Variants in MAP4K3 observed in about 807,000 individuals in gnomAD.
MAP4K3 encodes mitogen-activated protein kinase kinase kinase kinase 3, also known as MAPK/ERK kinase kinase kinase 3.
A neutral mutation model predicts 143.5 loss-of-function variants in MAP4K3; 94 were observed. The ratio of observed to expected loss-of-function variants is 0.65; its 90% CI spans 0.55 to 0.78. The LOEUF is 0.78. Ranked by LOEUF, MAP4K3 falls within the 30% of genes least tolerant of loss-of-function variation. The pLI is 0.00. For synonymous variants in MAP4K3, 416 were observed against 347.2 expected, an observed-to-expected ratio of 1.20 and a Z score of -2.20; for missense variants, 1,077 against 1,068.1, an observed-to-expected ratio of 1.01 and a Z score of -0.12.
At chr2:39,397,464 A>C (rs1180760714) in intron 1 of MAP4K3, among the ~76,000 whole-genome samples, 1 of 152,216 alleles carries the variant, frequency 6.6e-6, no homozygotes, top group African/African-American at 2.4e-5. Flanking sequence ...ACCTTTAAAG[A>C]AATGAAAGTA....
chr2:39,258,766 G>GT (rs1166384351), intron 29 of MAP4K3, among the ~76,000 whole-genome samples, 179 bp from the exon 30 acceptor site: 5 of 152,326 alleles, frequency 3.3e-5, no homozygotes, highest in East Asian at 3.9e-4. Flanking sequence ...GCTAAACAAC[G>GT]TAAGTGCTCA....
rs74528655 is a variant in MAP4K3, at chr2:39,307,690, G to A, written c.1119+253C>T. Among the ~76,000 whole-genome samples the A allele has an allele frequency of 3.4e-3, 511 of 151,144 alleles. 4 individuals are homozygous for A. The highest frequency in any genetic ancestry group is 0.012 in the African/African-American group (488 of 41,246). Reference sequence around the variant, plus strand: ...TCTTAAAAAAAAAACCCTAATATATGAATGAGAAAATTAAATATTAACATT... The same window carrying A: ...TCTTAAAAAAAAAACCCTAATATATAAATGAGAAAATTAAATATTAACATT... On this transcript the variant is annotated intron_variant, in intron 15 of 33. Coordinates refer to ENST00000263881, the MANE Select transcript of MAP4K3 (RefSeq NM_003618.4).
rs1468219862 is a variant in MAP4K3, at chr2:39,323,092, A to C, written c.918+2426T>G. The stretch of plus-strand genomic sequence containing the variant: ...AATTACAATTACAAATCATTTGCAA[A>C]TAAAAAAGTTATGAATTTCTCTTAA... On this transcript the variant is annotated intron_variant, in intron 12 of 33. Transcript: ENST00000263881. Among the ~76,000 whole-genome samples, 4 of 152,370 alleles carry C rather than the reference A, an allele frequency of 2.6e-5. No individual in the cohort carries two copies. In the East Asian group the frequency reaches 7.7e-4, roughly 29 times the overall value.
At chr2:39,285,382 TA>T (rs968494232) in intron 21 of MAP4K3, among the ~76,000 whole-genome samples, 4 of 151,434 alleles carry the variant, frequency 2.6e-5, no homozygotes, top group South Asian at 2.1e-4. Flanking sequence ...TTGGAAAGGT[TA>T]AAAAAAAAGT....
intron 1 of MAP4K3, among the ~76,000 whole-genome samples, chr2:39,422,285 T>A (rs1395184769): frequency 1.3e-5 from 2 of 152,098 alleles, no homozygotes; most frequent in Non-Finnish European, 2.9e-5. Flanking sequence ...TGAACAGCAA[T>A]TATACCCTCC....
intron 5 of MAP4K3, 89 bp from the exon 6 acceptor site, chr2:39,337,056 G>A: frequency 1.6e-6 from 1 of 623,894 alleles, no homozygotes; most frequent in South Asian, 1.9e-5. Flanking sequence ...AGTATTCTGT[G>A]TATTTTATTT....
At chr2:39,334,298 C>T (rs903860458) in intron 6 of MAP4K3, among the ~76,000 whole-genome samples, 1 of 152,074 alleles carries the variant, frequency 6.6e-6, no homozygotes, top group African/African-American at 2.4e-5. Context: ...AATACTATAT[C>T]CCAAAGGTAT....
intron 28 of MAP4K3, among the ~76,000 whole-genome samples, chr2:39,262,627 A>G (rs927996457): frequency 3.3e-5 from 5 of 152,204 alleles, no homozygotes; most frequent in African/African-American, 9.7e-5. Flanking sequence ...AGCAATTTGT[A>G]TAAGTCATTA....
intron 12 of MAP4K3, among the ~76,000 whole-genome samples, chr2:39,319,259 G>T (rs1275756074): frequency 4.0e-5 from 6 of 149,938 alleles, no homozygotes; most frequent in Admixed American, 3.3e-4. Flanking sequence ...CAACTACAAA[G>T]AACCTCCTTA....
intron 2 of MAP4K3, among the ~76,000 whole-genome samples, chr2:39,376,886 T>G (rs531466269): frequency 6.6e-6 from 1 of 152,222 alleles, no homozygotes; most frequent in African/African-American, 2.4e-5. Context: ...ACTTCAAATA[T>G]CCTTCTTAAA....
chr2:39,372,947 T>A (rs1033052766), intron 2 of MAP4K3, among the ~76,000 whole-genome samples: 1 of 152,028 alleles, frequency 6.6e-6, no homozygotes, highest in African/African-American at 2.4e-5. Flanking sequence ...TGGGATCACA[T>A]CAAATTAAAA....
intron 1 of MAP4K3, among the ~76,000 whole-genome samples, chr2:39,394,668 G>C (rs1469489627): frequency 3.9e-5 from 6 of 152,090 alleles, no homozygotes; most frequent in African/African-American, 1.4e-4. Flanking sequence ...AGTTATAAAA[G>C]AGCTTGGCCA....
intron 8 of MAP4K3, among the ~76,000 whole-genome samples, chr2:39,331,492 CT>C (rs2148521220): frequency 6.6e-6 from 1 of 152,164 alleles, no homozygotes; most frequent in South Asian, 2.1e-4. Context: ...GCATTTGATC[CT>C]ATAGGCAACC....
At chr2:39,358,388 T>C (rs997190565) in intron 2 of MAP4K3, among the ~76,000 whole-genome samples, 1 of 152,242 alleles carries the variant, frequency 6.6e-6, no homozygotes, top group African/African-American at 2.4e-5. Flanking sequence ...ACATAATTCC[T>C]TTCTATGATG....
At chr2:39,345,316 C>T (rs190483786) in intron 3 of MAP4K3, among the ~76,000 whole-genome samples, 687 of 64,158 alleles carry the variant, frequency 0.011, 5 homozygotes, top group Non-Finnish European at 0.013. Context: ...AGGTGCAGGG[C>T]GGGGCGGGGC....
intron 4 of MAP4K3, among the ~76,000 whole-genome samples, chr2:39,343,099 G>C (rs1455424214): frequency 6.6e-6 from 1 of 152,100 alleles, no homozygotes; most frequent in Non-Finnish European, 1.5e-5. Flanking sequence ...CTTAGCATTA[G>C]CCAGCAAAGC....
intron 2 of MAP4K3, among the ~76,000 whole-genome samples, chr2:39,366,510 G>T (rs916154584): frequency 5.9e-5 from 9 of 152,152 alleles, no homozygotes; most frequent in African/African-American, 2.2e-4. Context: ...TGTAAGATCT[G>T]TACTGATGTT....
intron 26 of MAP4K3, among the ~76,000 whole-genome samples, chr2:39,271,739 G>A (rs1023013283): frequency 1.3e-5 from 2 of 152,078 alleles, no homozygotes; most frequent in Non-Finnish European, 2.9e-5. Flanking sequence ...CCACAGGCTC[G>A]AGCCACCATG....
chr2:39,425,406 G>A (rs1009245674), intron 1 of MAP4K3, among the ~76,000 whole-genome samples: 2 of 152,214 alleles, frequency 1.3e-5, no homozygotes, highest in African/African-American at 4.8e-5. Context: ...ACTGAACTGT[G>A]TCCCTCTAAA....
Sources: gnomAD v4.1 joint callset for allele counts (sites outside exome capture counted in the v4.1 genomes callset) on GRCh38, gnomAD v4.1.1 for gene constraint, MANE v1.5 for transcripts, NCBI Gene and HGNC (gene_info 2026-07-23, HGNC 2026-07-21) for gene names.